The following DGKI variants were observed in gnomAD, a reference collection of about 807,000 sequenced individuals.
DGKI encodes DAG kinase iota.
A neutral mutation model predicts 147.5 loss-of-function variants in DGKI; 55 were observed. That is an observed-to-expected ratio of 0.37 (90% CI 0.30 to 0.47). The LOEUF is 0.47. Among genes scored for constraint, DGKI ranks in the 20% least tolerant of loss-of-function variants. The pLI is 1.00. For synonymous variants in DGKI, 469 were observed against 477.1 expected (o/e 0.98, Z 0.22); for missense variants, 1,007 against 1,323.8 (o/e 0.76, Z 3.71).
At chr7:137,722,064 G>A (rs1794572360) in intron 1 of DGKI, 2 of 1,597,298 alleles carry the variant, frequency 1.3e-6, no homozygotes, top group Non-Finnish European at 1.7e-6. Flanking sequence ...CTGGTGGCAA[G>A]GTGAAAAAGG....
intron 2 of DGKI, among the ~76,000 whole-genome samples, chr7:137,684,170 T>C (rs1823336051): frequency 6.6e-6 from 1 of 152,218 alleles, no homozygotes; most frequent in African/African-American, 2.4e-5. Flanking sequence ...TAACACACCA[T>C]GTTGGATGTT....
At chr7:137,557,121 A>C (rs1818251291) in intron 19 of DGKI, among the ~76,000 whole-genome samples, 1 of 152,208 alleles carries the variant, frequency 6.6e-6, no homozygotes, top group Non-Finnish European at 1.5e-5. Flanking sequence ...GGGACTTGCC[A>C]GCCTCCAATT....
chr7:137,827,044 C>T (rs1018345159), intron 1 of DGKI, among the ~76,000 whole-genome samples: 2 of 152,084 alleles, frequency 1.3e-5, no homozygotes, highest in African/African-American at 4.8e-5. Context: ...CACCATGGCC[C>T]CTGCAGACAG....
chr7:137,630,276 T>C (rs192818166), intron 6 of DGKI, among the ~76,000 whole-genome samples: 162 of 152,308 alleles, frequency 1.1e-3, no homozygotes, highest in Admixed American at 2.6e-3. Flanking sequence ...TGTCCATAGA[T>C]TGACATTTTT....
intron 1 of DGKI, among the ~76,000 whole-genome samples, chr7:137,825,981 G>A (rs1339371022): frequency 1.3e-5 from 2 of 152,138 alleles, no homozygotes; most frequent in Non-Finnish European, 2.9e-5. Flanking sequence ...CTAGAATTAT[G>A]AACTTGCTTA....
chr7:137,829,070 G>C (rs1016423276), intron 1 of DGKI, among the ~76,000 whole-genome samples: 1 of 152,154 alleles, frequency 6.6e-6, no homozygotes, highest in Non-Finnish European at 1.5e-5. Context: ...GCCACCACAA[G>C]CTGAACTATT....
At chr7:137,710,220 T>C (rs1794171814) in intron 1 of DGKI, among the ~76,000 whole-genome samples, 1 of 152,154 alleles carries the variant, frequency 6.6e-6, no homozygotes, top group Non-Finnish European at 1.5e-5. Context: ...GAATGATTTA[T>C]GGATCCATAC....
At chr7:137,492,078 C>G (rs939630202) in intron 21 of DGKI, among the ~76,000 whole-genome samples, 1 of 152,182 alleles carries the variant, frequency 6.6e-6, no homozygotes, top group Admixed American at 6.5e-5. Context: ...GGTCTAAAGA[C>G]AGCACTGATT....
intron 17 of DGKI, among the ~76,000 whole-genome samples, chr7:137,576,220 T>A (rs10261216): frequency 0.079 from 12,044 of 151,814 alleles, 589 homozygotes; most frequent in South Asian, 0.16. Flanking sequence ...TGTATTTTGA[T>A]AGAGATGGGA....
intron 1 of DGKI, among the ~76,000 whole-genome samples, chr7:137,808,148 A>G (rs1585517935): frequency 6.6e-6 from 1 of 152,240 alleles, no homozygotes; most frequent in East Asian, 1.9e-4. Context: ...AGGACAACGT[A>G]GTAGATAATC....
chr7:137,763,988 A>G (rs1340073265), intron 1 of DGKI, among the ~76,000 whole-genome samples: 2 of 152,252 alleles, frequency 1.3e-5, no homozygotes, highest in African/African-American at 4.8e-5. Flanking sequence ...GCATTTGTTC[A>G]GTGTTTGCAT....
At chr7:137,842,995 G>A (rs904601383) in intron 1 of DGKI, among the ~76,000 whole-genome samples, 9 of 152,088 alleles carry the variant, frequency 5.9e-5, no homozygotes, top group East Asian at 1.9e-4. Flanking sequence ...AGCGTGATGC[G>A]GTCTAAAGAG....
At chr7:137,425,038 G>C (rs914266686) in intron 28 of DGKI, among the ~76,000 whole-genome samples, 1 of 48 alleles carries the variant, frequency 0.021, no homozygotes, top group Admixed American at 0.25. Flanking sequence ...AGAGAGCAGT[G>C]GTTCTCCCCA....
At chr7:137,601,415 T>C (rs938857791) in intron 10 of DGKI, among the ~76,000 whole-genome samples, 2 of 152,238 alleles carry the variant, frequency 1.3e-5, no homozygotes, top group African/African-American at 2.4e-5. Flanking sequence ...GCTCATAATA[T>C]TGTTGTTTTA....
chr7:137,661,121 C>T (rs943497861), intron 3 of DGKI, among the ~76,000 whole-genome samples: 1 of 152,180 alleles, frequency 6.6e-6, no homozygotes, highest in Non-Finnish European at 1.5e-5. Context: ...ACTGCACTGC[C>T]TGCTGACTAC....
At chr7:137,621,964 A>G (rs1412554620) in intron 7 of DGKI, among the ~76,000 whole-genome samples, 1 of 152,222 alleles carries the variant, frequency 6.6e-6, no homozygotes, top group Non-Finnish European at 1.5e-5. Flanking sequence ...CAGGACCACA[A>G]ATGGAGATAT....
intron 14 of DGKI, among the ~76,000 whole-genome samples, chr7:137,584,629 C>T (rs1416278432): frequency 2.0e-5 from 3 of 152,128 alleles, no homozygotes; most frequent in African/African-American, 4.8e-5. Flanking sequence ...CAATCATACC[C>T]CAAACCTCAG....
chr7:137,695,314 A>G (rs1823745524), intron 1 of DGKI, among the ~76,000 whole-genome samples: 1 of 152,202 alleles, frequency 6.6e-6, no homozygotes, highest in Non-Finnish European at 1.5e-5. Context: ...TATCCATTCA[A>G]CAATGTATTT....
chr7:137,536,142 T>C (rs1235461905), intron 20 of DGKI, among the ~76,000 whole-genome samples: 1 of 152,138 alleles, frequency 6.6e-6, no homozygotes, highest in Non-Finnish European at 1.5e-5. Flanking sequence ...TACATACATA[T>C]ATGCACACAC....
Sources: allele counts gnomAD v4.1 joint callset (sites outside exome capture counted in the v4.1 genomes callset), GRCh38; gene constraint gnomAD v4.1.1; transcripts MANE v1.5; gene names NCBI Gene and HGNC (gene_info 2026-07-23, HGNC 2026-07-21).